Variants in NAALADL2 observed in about 807,000 individuals in gnomAD.
The protein encoded by NAALADL2 is inactive N-acetylated-alpha-linked acidic dipeptidase-like protein 2.
Under a neutral mutation model 87.2 loss-of-function variants are expected in NAALADL2, and 76 were observed. The observed-to-expected ratio is 0.87, with a 90% confidence interval of 0.72 to 1.05. NAALADL2 has a LOEUF of 1.05. NAALADL2 is among the 50% of genes least tolerant of loss of function. The probability of loss-of-function intolerance (pLI) is 0.00; values close to 1 mark genes in which losing one functional copy is unlikely to be tolerated. For missense variants in NAALADL2, 1,089 were observed against 945.8 expected (o/e 1.15, Z -1.99); for synonymous variants, 354 against 331.0 (o/e 1.07, Z -0.75).
intron 3 of NAALADL2, among the ~76,000 whole-genome samples, chr3:174,844,980 C>T (rs887451781): frequency 1.3e-5 from 2 of 150,618 alleles, no homozygotes; most frequent in Admixed American, 1.3e-4. Flanking sequence ...TGCCCTCGGG[C>T]CAGGGGGAGT....
At chr3:175,629,796 C>A (rs996750317) in intron 11 of NAALADL2, among the ~76,000 whole-genome samples, 1 of 151,622 alleles carries the variant, frequency 6.6e-6, no homozygotes, top group African/African-American at 2.4e-5. Flanking sequence ...GAATACATCC[C>A]GAACATATGC....
At chr3:175,025,896 A>C (rs9857330) in intron 1 of NAALADL2, among the ~76,000 whole-genome samples, 31,356 of 151,940 alleles carry the variant, frequency 0.21, 4,376 homozygotes, top group African/African-American at 0.39. Flanking sequence ...TGCAGCCTCC[A>C]CCTCTCAGGC....
intron 11 of NAALADL2, among the ~76,000 whole-genome samples, chr3:175,732,683 C>A (rs1743935175): frequency 6.6e-6 from 1 of 151,960 alleles, no homozygotes; most frequent in Non-Finnish European, 1.5e-5. Context: ...GGCAGGGAGA[C>A]CTTGAGGCTC....
intron 1 of NAALADL2, among the ~76,000 whole-genome samples, chr3:174,966,540 C>T (rs1357903012): frequency 1.3e-5 from 2 of 151,700 alleles, no homozygotes; most frequent in African/African-American, 2.4e-5. Flanking sequence ...CTCTTGACTT[C>T]GATGTAAGGA....
chr3:175,295,915 C>A (rs139984186), intron 4 of NAALADL2, among the ~76,000 whole-genome samples: 57 of 151,982 alleles, frequency 3.8e-4, no homozygotes, highest in Middle Eastern at 3.4e-3. Context: ...TGACTTGAAT[C>A]CTCATGCCAA....
intron 3 of NAALADL2, among the ~76,000 whole-genome samples, chr3:174,768,271 C>T (rs979494464): frequency 6.6e-6 from 1 of 152,038 alleles, no homozygotes; most frequent in Non-Finnish European, 1.5e-5. Context: ...TTCTTTTATA[C>T]TTAAGTAAAA....
intron 2 of NAALADL2, among the ~76,000 whole-genome samples, chr3:175,203,244 C>G (rs1740335936): frequency 6.6e-6 from 1 of 152,240 alleles, no homozygotes; most frequent in Non-Finnish European, 1.5e-5. Flanking sequence ...CTCTGGCCAC[C>G]GTCCTGTTGG....
At chr3:174,867,075 A>G (rs1263362041) in intron 1 of NAALADL2, among the ~76,000 whole-genome samples, 2 of 151,896 alleles carry the variant, frequency 1.3e-5, no homozygotes, top group African/African-American at 4.8e-5. Flanking sequence ...TGTAGGTAAT[A>G]GAATGTTCTG....
intron 1 of NAALADL2, among the ~76,000 whole-genome samples, chr3:175,074,493 T>G (rs1716229087): frequency 6.6e-6 from 1 of 152,104 alleles, no homozygotes; most frequent in South Asian, 2.1e-4. Context: ...TGTTATTGAA[T>G]TTTTTTGAAA....
Position 175,096,952 on chromosome 3 carries a change from C to G in NAALADL2, c.206C>G (p.Ala69Gly). ...TTTGACCAATTCCAGCTAGACGGTG[C>G]TGAGAATCAGAACCTAGGGCATTCA... ...SGFDQFQLDG[A>G]ENQNLGHSET... Residue 69 changes from alanine to glycine, a missense_variant, in exon 2 of 14, where the codon GCT becomes GGT. Physicochemically the swap from Ala to Gly is moderately conservative, Grantham distance 60 (BLOSUM62 0). Coordinates refer to ENST00000454872, the MANE Select transcript of NAALADL2 (RefSeq NM_207015.3). The G allele has an allele frequency of 6.2e-7, 1 of 1,613,234 alleles. No individual in the cohort carries two copies. The highest frequency in any genetic ancestry group is 8.5e-7 in the Non-Finnish European group (1 of 1,179,610).
intron 10 of NAALADL2, among the ~76,000 whole-genome samples, chr3:175,590,214 AT>A (rs1721202566): frequency 1.4e-5 from 2 of 146,888 alleles, no homozygotes; most frequent in African/African-American, 5.1e-5. Flanking sequence ...TCCGTCTAAT[AT>A]ATATATATAT....
intron 5 of NAALADL2, among the ~76,000 whole-genome samples, chr3:175,394,028 G>A (rs1769433003): frequency 6.6e-6 from 1 of 151,802 alleles, no homozygotes; most frequent in Admixed American, 6.6e-5. Context: ...CATATTTGCA[G>A]AAAAATGCAT....
chr3:175,378,534 T>C (rs1213082204), intron 5 of NAALADL2, among the ~76,000 whole-genome samples: 1 of 152,252 alleles, frequency 6.6e-6, no homozygotes, highest in Non-Finnish European at 1.5e-5. Flanking sequence ...ACTCAGTGCA[T>C]GCACAGCTTA....
intron 2 of NAALADL2, among the ~76,000 whole-genome samples, chr3:174,654,630 T>C (rs936394646): frequency 5.9e-5 from 9 of 152,330 alleles, no homozygotes; most frequent in African/African-American, 1.9e-4. Flanking sequence ...GCACACAGGT[T>C]GTTACCTGCT....
intron 11 of NAALADL2, among the ~76,000 whole-genome samples, chr3:175,695,922 T>C (rs1737741389): frequency 6.6e-6 from 1 of 152,114 alleles, no homozygotes; most frequent in Non-Finnish European, 1.5e-5. Context: ...TAAAAAATTT[T>C]AGAAAAGGAT....
intron 10 of NAALADL2, among the ~76,000 whole-genome samples, chr3:175,612,964 G>A (rs972361739): frequency 2.0e-5 from 3 of 151,960 alleles, no homozygotes; most frequent in Admixed American, 6.6e-5. Flanking sequence ...AGGGATAGCC[G>A]GGATCCACCA....
intron 11 of NAALADL2, among the ~76,000 whole-genome samples, chr3:175,629,454 T>C (rs1254193389): frequency 6.6e-6 from 1 of 151,174 alleles, no homozygotes; most frequent in African/African-American, 2.4e-5. Flanking sequence ...AGAGTCTACA[T>C]TTATTTATTT....
intron 3 of NAALADL2, chr3:175,235,919 G>A (rs1400766077): frequency 1.3e-5 from 2 of 152,166 alleles, no homozygotes; most frequent in Non-Finnish European, 2.9e-5. Context: ...GGTAGAATAA[G>A]GTTAAATCAA....
At chr3:175,607,846 G>A (rs1263564941) in intron 10 of NAALADL2, among the ~76,000 whole-genome samples, 1 of 151,684 alleles carries the variant, frequency 6.6e-6, no homozygotes, top group Non-Finnish European at 1.5e-5. Flanking sequence ...ATTCTAATGA[G>A]CAGCTAGGAA....
Sources: gnomAD v4.1 joint callset for allele counts (sites outside exome capture counted in the v4.1 genomes callset) on GRCh38, gnomAD v4.1.1 for gene constraint, MANE v1.5 for transcripts, NCBI Gene and HGNC (gene_info 2026-07-23, HGNC 2026-07-21) for gene names.